The following FOXP1 variants were observed in gnomAD, a reference collection of about 807,000 sequenced individuals.
FOXP1 encodes forkhead box P1.
In FOXP1, 15 loss-of-function variants were observed where a neutral mutation model predicts 98.2. That is an observed-to-expected ratio of 0.15 (90% confidence interval 0.10 to 0.24). The LOEUF is 0.24. Ranked by LOEUF, FOXP1 falls within the 10% of genes least tolerant of loss-of-function variation. The pLI is 1.00. For missense variants in FOXP1, 633 were observed against 848.5 expected, an observed-to-expected ratio of 0.75 and a Z score of 3.15; for synonymous variants, 371 against 314.5, an observed-to-expected ratio of 1.18 and a Z score of -1.90.
intron 7 of FOXP1, among the ~76,000 whole-genome samples, chr3:71,056,048 G>A (rs2050589810): frequency 6.6e-6 from 1 of 152,164 alleles, no homozygotes; most frequent in Admixed American, 6.5e-5. Context: ...GGGCACAGGT[G>A]AACTTTTGGG....
chr3:71,001,072 A>G lies in FOXP1; in HGVS notation c.975-13T>C. The G allele has an allele frequency of 6.3e-7, 1 of 1,586,592 alleles. No homozygotes were observed. The highest frequency in any genetic ancestry group is 8.7e-7 in the Non-Finnish European group (1 of 1,155,158). On this transcript the variant is annotated splice_polypyrimidine_tract_variant and intron_variant, in intron 12 of 20. Coordinates refer to ENST00000649528, the MANE Select transcript of FOXP1 (RefSeq NM_001349338.3). ...ACTGTTGAGATGTCTGCAACAATAC[A>G]TAGAAAATCATTAAGTGAAATGGAG... is the stretch of plus-strand genomic sequence containing the variant.
At chr3:71,476,579 C>T (rs986928566) in intron 3 of FOXP1, among the ~76,000 whole-genome samples, 1 of 152,064 alleles carries the variant, frequency 6.6e-6, no homozygotes, top group African/African-American at 2.4e-5. Context: ...CAACCTCCAC[C>T]TCCCAGGTTC....
chr3:71,412,383 G>A (rs967638264), intron 3 of FOXP1, among the ~76,000 whole-genome samples: 2 of 152,184 alleles, frequency 1.3e-5, no homozygotes, highest in Non-Finnish European at 2.9e-5. Context: ...TATTAGTCAT[G>A]TTGAGGGGCA....
At chr3:71,409,122 G>T (rs1257106633) in intron 3 of FOXP1, among the ~76,000 whole-genome samples, 1 of 152,112 alleles carries the variant, frequency 6.6e-6, no homozygotes, top group Admixed American at 6.5e-5. Flanking sequence ...TCTCATTCAG[G>T]AATGGTCTTC....
chr3:71,117,250 AC>A (rs987271724), intron 6 of FOXP1, among the ~76,000 whole-genome samples: 4 of 151,736 alleles, frequency 2.6e-5, no homozygotes. Context: ...ACCACATCCA[AC>A]TAATTTTTCC....
chr3:71,404,142 T>C (rs1413466580), intron 3 of FOXP1, among the ~76,000 whole-genome samples: 2 of 142,030 alleles, frequency 1.4e-5, no homozygotes, highest in Admixed American at 1.4e-4. Flanking sequence ...TTTTTTTTTT[T>C]TTGAGATGGA....
rs376885106 is a variant in FOXP1, at chr3:71,170,923, C to T, written c.180+27279G>A. Among the ~76,000 whole-genome samples the T allele has an allele frequency of 7.2e-5, 11 of 152,180 alleles. 2 individuals are homozygous for T. Among genetic ancestry groups the T allele is most frequent in the African/African-American group, 2.6e-4 (11 of 41,518 alleles). On this transcript the variant is annotated intron_variant, in intron 6 of 20. Coordinates refer to ENST00000649528, the MANE Select transcript of FOXP1 (RefSeq NM_001349338.3). ...AGTTGTTTTAGTCCGTCTTTCTTTT[C>T]TTCTTTTTGTTTGAGTTTTCACTCT...
intron 2 of FOXP1, among the ~76,000 whole-genome samples, chr3:71,506,567 C>G (rs983731639): frequency 6.6e-6 from 1 of 152,220 alleles, no homozygotes; most frequent in African/African-American, 2.4e-5. Context: ...GCAGCTACTA[C>G]GTCTGCCCTT....
intron 3 of FOXP1, among the ~76,000 whole-genome samples, chr3:71,399,580 C>T (rs755667275): frequency 9.2e-5 from 14 of 152,272 alleles, no homozygotes; most frequent in South Asian, 2.1e-4. Flanking sequence ...TTCACCCAGA[C>T]GGAAGCACTA....
intron 4 of FOXP1, among the ~76,000 whole-genome samples, chr3:71,318,466 T>C (rs929613986): frequency 3.9e-5 from 6 of 152,224 alleles, no homozygotes; most frequent in East Asian, 1.9e-4. Context: ...TTAAAAATAT[T>C]TGCACATTGC....
chr3:71,333,396 A>AT (rs1560323201), intron 4 of FOXP1: 1 of 95,498 alleles, frequency 1.0e-5, no homozygotes, highest in Non-Finnish European at 2.7e-5. Context: ...ATACAAAGTG[A>AT]TAAAAAAAAA....
intron 19 of FOXP1, among the ~76,000 whole-genome samples, chr3:70,967,380 T>C (rs2035033386): frequency 6.6e-6 from 1 of 152,188 alleles, no homozygotes; most frequent in Non-Finnish European, 1.5e-5. Context: ...AAACACAGCA[T>C]TGGATAATGG....
At chr3:71,506,590 C>G (rs1219962569) in intron 2 of FOXP1, among the ~76,000 whole-genome samples, 1 of 152,052 alleles carries the variant, frequency 6.6e-6, no homozygotes, top group Non-Finnish European at 1.5e-5. Flanking sequence ...CTTAGGCTCG[C>G]TGCTAGCTCT....
rs80156592 is a variant in FOXP1 at position 71,578,730 on chromosome 3, A to T, written c.-298+2819T>A. The stretch of plus-strand genomic sequence containing the variant: ...TATCACAATTCTTCTGTTAATTTAA[A>T]CAACTGCTGAAAACAGACATACCCT... On this transcript the variant is annotated intron_variant, in intron 2 of 20. Transcript: ENST00000649528. 5.8e-4 allele frequency among the ~76,000 whole-genome samples: 89 copies of T among 152,318 alleles called. No individual in the cohort carries two copies. In the East Asian group the frequency reaches 0.017, roughly 29 times the overall value.
chr3:71,196,367 G>T (rs1338515423), intron 6 of FOXP1, among the ~76,000 whole-genome samples: 27 of 152,070 alleles, frequency 1.8e-4, no homozygotes, highest in Non-Finnish European at 3.8e-4. Flanking sequence ...TATCACTGTT[G>T]TGTGTGTGGG....
At chr3:71,540,644 G>C (rs961016808) in intron 2 of FOXP1, among the ~76,000 whole-genome samples, 5 of 152,280 alleles carry the variant, frequency 3.3e-5, no homozygotes, top group East Asian at 3.9e-4. Context: ...CACGATTCTA[G>C]AGCAGGGACA....
At chr3:71,168,588 A>G (rs1175678831) in intron 6 of FOXP1, among the ~76,000 whole-genome samples, 1 of 152,230 alleles carries the variant, frequency 6.6e-6, no homozygotes, top group Non-Finnish European at 1.5e-5. Context: ...ACAAAATAAC[A>G]TTTCCCATCA....
At chr3:71,192,620 T>C (rs2063054622) in intron 6 of FOXP1, among the ~76,000 whole-genome samples, 1 of 152,244 alleles carries the variant, frequency 6.6e-6, no homozygotes, top group South Asian at 2.1e-4. Context: ...ATTTTGAATG[T>C]GAAGAAAATA....
chr3:71,536,599 G>C (rs1486099600), intron 2 of FOXP1, among the ~76,000 whole-genome samples: 1 of 105,308 alleles, frequency 9.5e-6, no homozygotes, highest in South Asian at 3.1e-4. Flanking sequence ...TTTGGTAGTT[G>C]TTGCTCTGTC....
Sources: gnomAD v4.1 joint callset for allele counts (sites outside exome capture counted in the v4.1 genomes callset) on GRCh38, gnomAD v4.1.1 for gene constraint, MANE v1.5 for transcripts, NCBI Gene and HGNC (gene_info 2026-07-23, HGNC 2026-07-21) for gene names.